The following APBB2 variants were observed in gnomAD, a reference collection of about 807,000 sequenced individuals.
The protein encoded by APBB2 is Fe65-like 1.
In APBB2, 38 loss-of-function variants were observed where a neutral mutation model predicts 82.5. The ratio of observed to expected loss-of-function variants is 0.46; its 90% CI spans 0.36 to 0.60. The LOEUF (loss-of-function observed/expected upper bound fraction) is 0.60. Among genes scored for constraint, APBB2 ranks in the 20% least tolerant of loss-of-function variants. The pLI is 0.00. For synonymous variants in APBB2, 341 were observed against 368.2 expected (o/e 0.93, Z 0.85); for missense variants, 772 against 972.3 (o/e 0.79, Z 2.74).
chr4:40,811,842 T>TATC lies in APBB2; in HGVS notation c.*4247_*4249dup, dbSNP rs1273584813. 6.6e-6 allele frequency: 1 copy of TATC among 152,222 alleles called. No individual in the cohort carries two copies. Among genetic ancestry groups the TATC allele is most frequent in the Non-Finnish European group, 1.5e-5 (1 of 68,036 alleles). The allele number at this position is 152,222 out of a possible 1,614,324, so 9.4% of individuals were successfully genotyped here. On this transcript the variant is annotated 3_prime_UTR_variant, in exon 18 of 18. Coordinates refer to ENST00000508593, the MANE Select transcript of APBB2 (RefSeq NM_004307.2). ...GCGGGGACATACTTTAAATTCTGTT[T>TATC]ATCTGCCTTCCTGCGCCTAACAGTT...
intron 12 of APBB2, among the ~76,000 whole-genome samples, chr4:40,833,854 T>G (rs1322230740): frequency 6.6e-6 from 1 of 152,200 alleles, no homozygotes; most frequent in East Asian, 1.9e-4. Context: ...CATCCCAAGG[T>G]TACCGACACG....
chr4:41,020,692 A>T (rs1811245953), intron 5 of APBB2, among the ~76,000 whole-genome samples: 1 of 152,240 alleles, frequency 6.6e-6, no homozygotes, highest in African/African-American at 2.4e-5. Flanking sequence ...AAGTTTGCTA[A>T]AAGTTAACAG....
At chr4:41,153,338 C>T (rs1033196121) in intron 1 of APBB2, among the ~76,000 whole-genome samples, 4 of 152,116 alleles carry the variant, frequency 2.6e-5, no homozygotes, top group African/African-American at 7.2e-5. Context: ...TTCAGTCTAC[C>T]GTACTGCTAG....
At chr4:40,972,427 C>CA (rs11349428) in intron 6 of APBB2, among the ~76,000 whole-genome samples, 2,935 of 126,284 alleles carry the variant, frequency 0.023, 93 homozygotes, top group African/African-American at 0.083. Flanking sequence ...GACTCCATCT[C>CA]AAAAAAAAAA....
At chr4:41,177,007 T>C (rs577750907) in intron 1 of APBB2, among the ~76,000 whole-genome samples, 2 of 147,594 alleles carry the variant, frequency 1.4e-5, no homozygotes, top group Admixed American at 6.7e-5. Flanking sequence ...AAAAAAAGCA[T>C]GAAAATGAGC....
chr4:40,861,005 T>A (rs1541978), intron 12 of APBB2, among the ~76,000 whole-genome samples: 1 of 152,024 alleles, frequency 6.6e-6, no homozygotes, highest in Non-Finnish European at 1.5e-5. Flanking sequence ...AGTAATAAAA[T>A]GTATTTCTGA....
chr4:41,033,584 T>TCTCACACACACACA (rs1355663784), intron 4 of APBB2, among the ~76,000 whole-genome samples: 34 of 130,822 alleles, frequency 2.6e-4, no homozygotes, highest in Non-Finnish European at 4.6e-4. Flanking sequence ...CTTTTTCTCA[T>TCTCACACACACACA]CACACACACA....
intron 10 of APBB2, among the ~76,000 whole-genome samples, chr4:40,921,382 A>T (rs926829663): frequency 6.6e-6 from 1 of 152,232 alleles, no homozygotes; most frequent in Non-Finnish European, 1.5e-5. Flanking sequence ...GTACAATGGG[A>T]ATAATAACTT....
At chr4:41,140,077 C>T (rs946114504) in intron 2 of APBB2, among the ~76,000 whole-genome samples, 2 of 152,094 alleles carry the variant, frequency 1.3e-5, no homozygotes, top group Admixed American at 6.5e-5. Context: ...TTAATGAAAA[C>T]TCTATCATTA....
At chr4:40,868,431 A>G (rs1230453499) in intron 12 of APBB2, among the ~76,000 whole-genome samples, 2 of 152,194 alleles carry the variant, frequency 1.3e-5, no homozygotes, top group Non-Finnish European at 2.9e-5. Context: ...AGCGAGCTGT[A>G]TAATTTTTCT....
chr4:41,198,665 GA>G, intron 1 of APBB2, among the ~76,000 whole-genome samples: 1 of 152,166 alleles, frequency 6.6e-6, no homozygotes, highest in Non-Finnish European at 1.5e-5. Context: ...GCTGCTGTAA[GA>G]AACTGCTATA....
chr4:40,914,196 C>T (rs921465843), intron 10 of APBB2, among the ~76,000 whole-genome samples: 21 of 152,066 alleles, frequency 1.4e-4, no homozygotes, highest in African/African-American at 5.1e-4. Flanking sequence ...CGGTGAAACC[C>T]TGTCTCTACT....
At chr4:40,989,508 C>T (rs1031210504) in intron 6 of APBB2, among the ~76,000 whole-genome samples, 14 of 149,070 alleles carry the variant, frequency 9.4e-5, no homozygotes, top group African/African-American at 3.4e-4. Context: ...TTTTAATTTC[C>T]CTTGAGTAGA....
chr4:41,211,150 G>A (rs1779221241), intron 1 of APBB2, among the ~76,000 whole-genome samples: 1 of 152,010 alleles, frequency 6.6e-6, no homozygotes, highest in Non-Finnish European at 1.5e-5. Context: ...AGCTACTCAG[G>A]AGGCTGAGGC....
At chr4:41,102,115 C>T (rs1876495) in intron 2 of APBB2, among the ~76,000 whole-genome samples, 30,442 of 152,034 alleles carry the variant, frequency 0.2, 4,276 homozygotes, top group East Asian at 0.61. Context: ...GCATACCCCT[C>T]GGGCTCTCCT....
intron 5 of APBB2, among the ~76,000 whole-genome samples, chr4:41,025,609 T>TA (rs1471816633): frequency 6.6e-6 from 1 of 152,000 alleles, no homozygotes; most frequent in African/African-American, 2.4e-5. Context: ...AAATGTCCAT[T>TA]AATGACAGAC....
chr4:40,890,542 C>T, intron 11 of APBB2, 51 bp from the exon 12 acceptor site: 1 of 1,601,280 alleles, frequency 6.2e-7, no homozygotes, highest in Non-Finnish European at 8.5e-7. Context: ...GCTGGAAAGC[C>T]TAATCGTGTG....
intron 3 of APBB2, among the ~76,000 whole-genome samples, chr4:41,072,697 C>A (rs925962626): frequency 1.3e-5 from 2 of 152,118 alleles, no homozygotes; most frequent in African/African-American, 2.4e-5. Context: ...AAAACCTGCC[C>A]GGAGCGTGTT....
chr4:40,992,363 G>GGC (rs1553899634), intron 6 of APBB2, among the ~76,000 whole-genome samples: 2 of 145,008 alleles, frequency 1.4e-5, no homozygotes, highest in Non-Finnish European at 3.0e-5. Flanking sequence ...GGTAGAGATG[G>GGC]GGGGGGGTCT....
Sources: allele counts gnomAD v4.1 joint callset (sites outside exome capture counted in the v4.1 genomes callset), GRCh38; gene constraint gnomAD v4.1.1; transcripts MANE v1.5; gene names NCBI Gene and HGNC (gene_info 2026-07-23, HGNC 2026-07-21).